Variants in SV2C observed in about 807,000 individuals in gnomAD.
SV2C encodes the protein synaptic vesicle glycoprotein 2C.
Under a neutral mutation model 79.7 loss-of-function variants are expected in SV2C, and 49 were observed. The observed-to-expected ratio is 0.61, with a 90% CI of 0.49 to 0.78. The LOEUF (loss-of-function observed/expected upper bound fraction) is 0.78, where lower values mean the gene tolerates loss of function less well. Ranked by LOEUF, SV2C falls within the 30% of genes least tolerant of loss-of-function variation. The probability of loss-of-function intolerance (pLI) is 0.00; values close to 1 mark genes in which losing one functional copy is unlikely to be tolerated. For missense variants in SV2C, 833 were observed against 912.9 expected (o/e 0.91, Z 1.13); for synonymous variants, 334 against 333.2 (o/e 1.00, Z -0.03).
At chr5:76,194,326 T>G (rs1580345185) in intron 2 of SV2C, among the ~76,000 whole-genome samples, 1 of 152,344 alleles carries the variant, frequency 6.6e-6, no homozygotes, top group East Asian at 1.9e-4. Context: ...AGTGATTATC[T>G]TCTGAGAGGC....
intron 3 of SV2C, among the ~76,000 whole-genome samples, chr5:76,203,836 G>A (rs872630): frequency 0.05 from 7,560 of 152,216 alleles, 643 homozygotes; most frequent in African/African-American, 0.17. Context: ...TGTGGCTTTG[G>A]AAATTGAAGA....
the SV2C span, among the ~76,000 whole-genome samples, chr5:75,866,283 G>A: frequency 6.6e-6 from 1 of 152,006 alleles, no homozygotes; most frequent in Non-Finnish European, 1.5e-5. Context: ...GTATTATGTA[G>A]TTTTATTATT....
chr5:76,029,219 AT>A, the SV2C span, among the ~76,000 whole-genome samples: 1 of 152,206 alleles, frequency 6.6e-6, no homozygotes, highest in African/African-American at 2.4e-5. Context: ...TCACACAGTT[AT>A]TTTTCTGGTG....
At chr5:75,925,190 TGCTCACCA>T in the SV2C span, among the ~76,000 whole-genome samples, 42 of 152,284 alleles carry the variant, frequency 2.8e-4, no homozygotes, top group African/African-American at 1.0e-3. Flanking sequence ...TTCTAAAATG[TGCTCACCA>T]GCACGTCTGT....
At chr5:75,947,892 A>AT in the SV2C span, among the ~76,000 whole-genome samples, 7,967 of 150,770 alleles carry the variant, frequency 0.053, 240 homozygotes, top group Middle Eastern at 0.095. Flanking sequence ...TCTGTTTTCC[A>AT]TTTTTTTTTA....
the SV2C span, among the ~76,000 whole-genome samples, chr5:75,858,953 C>T: frequency 6.6e-6 from 1 of 151,926 alleles, no homozygotes; most frequent in African/African-American, 2.4e-5. Flanking sequence ...TTTTTCATCC[C>T]TGATTTTATT....
the SV2C span, among the ~76,000 whole-genome samples, chr5:75,972,202 A>G: frequency 7.2e-5 from 11 of 152,180 alleles, no homozygotes; most frequent in African/African-American, 2.7e-4. Context: ...TTTATATGTT[A>G]GACCTAAAAC....
chr5:76,334,340 A>G (rs987803199), downstream of SV2C, among the ~76,000 whole-genome samples: 15 of 80,852 alleles, frequency 1.9e-4, no homozygotes, highest in Non-Finnish European at 3.7e-4. Context: ...TTCACATTGG[A>G]GGCAGAAACA....
chr5:76,319,248 CAA>C (rs11341644), intron 12 of SV2C, among the ~76,000 whole-genome samples: 14,846 of 141,888 alleles, frequency 0.1, 792 homozygotes, highest in Admixed American at 0.16. Flanking sequence ...TGCATCTCTA[CAA>C]AAAAAAAAAA....
At chr5:76,135,852 C>A (rs1398570177) in intron 2 of SV2C, among the ~76,000 whole-genome samples, 1 of 152,058 alleles carries the variant, frequency 6.6e-6, no homozygotes, top group Admixed American at 6.5e-5. Flanking sequence ...CTAAGATTAC[C>A]CCTAGGCAGG....
At chr5:76,211,479 TGTG>T in intron 4 of SV2C, among the ~76,000 whole-genome samples, 1 of 152,102 alleles carries the variant, frequency 6.6e-6, no homozygotes, top group African/African-American at 2.4e-5. Context: ...TGTGTGTGTG[TGTG>T]TGTGTGTGTG....
the SV2C span, among the ~76,000 whole-genome samples, chr5:75,938,983 G>T: frequency 4.6e-5 from 7 of 152,074 alleles, no homozygotes; most frequent in Non-Finnish European, 1.0e-4. Flanking sequence ...CCTGGGGAGA[G>T]GCAGGGGAAT....
Position 76,148,796 on chromosome 5 carries a change from C to T in SV2C, c.580+16466C>T, listed in dbSNP as rs528232762. Among the ~76,000 whole-genome samples the T allele has an allele frequency of 9.2e-5, 14 of 152,268 alleles. No individual in the cohort carries two copies. The South Asian group carries it at 2.7e-3, about 29-fold the overall frequency. ...TGGGTCTTGTGATAGAGGCTTTTGT[C>T]CCCACAGCCTACTTGCCATTGTTGT... is the stretch of plus-strand genomic sequence containing the variant. On this transcript the variant is annotated intron_variant, in intron 2 of 12. Coordinates refer to ENST00000502798, the MANE Select transcript of SV2C (RefSeq NM_014979.4).
intron 1 of SV2C, among the ~76,000 whole-genome samples, chr5:76,107,682 G>A (rs1330964945): frequency 1.1e-4 from 16 of 152,166 alleles, no homozygotes; most frequent in Admixed American, 8.5e-4. Context: ...TGGTGAAACC[G>A]TCTCTACCAA....
the SV2C span, among the ~76,000 whole-genome samples, chr5:76,058,344 C>T: frequency 1.3e-5 from 2 of 152,078 alleles, no homozygotes; most frequent in East Asian, 3.9e-4. Context: ...ACCAAATTCC[C>T]CCATCAACCC....
chr5:76,048,965 G>GAAAGAAAGAAAGAAAGAAAGAA, the SV2C span, among the ~76,000 whole-genome samples: 3 of 58,164 alleles, frequency 5.2e-5, no homozygotes, highest in African/African-American at 2.1e-4. Flanking sequence ...GAAAGAAAAA[G>GAAAGAAAGAAAGAAAGAAAGAA]AGAAAGAAAG....
intron 4 of SV2C, among the ~76,000 whole-genome samples, chr5:76,272,984 G>C (rs1265102974): frequency 6.6e-6 from 1 of 151,744 alleles, no homozygotes; most frequent in Non-Finnish European, 1.5e-5. Flanking sequence ...GTGCCTATTT[G>C]TGCTTTAAGA....
rs571941147 is a variant in SV2C at position 76,326,831 on chromosome 5, A to C, written c.*1284A>C. The C allele has an allele frequency of 6.6e-6, 1 of 152,224 alleles. No individual in the cohort carries two copies. The highest frequency in any genetic ancestry group is 2.4e-5 in the African/African-American group (1 of 41,504). The allele number at this position is 152,224 out of a possible 1,614,324, so 9.4% of individuals were successfully genotyped here. A position where few individuals can be genotyped will look rare whatever the true frequency, so the allele number is the denominator to read the frequency against. On this transcript the variant is annotated 3_prime_UTR_variant, in exon 13 of 13. Transcript: ENST00000502798. ...GAAAGAGGTCAGCCAGGACATTCCC[A>C]CGGGCCCGCTGTCAGCTACATGACC... is the stretch of plus-strand genomic sequence containing the variant.
At chr5:75,999,944 C>A in the SV2C span, among the ~76,000 whole-genome samples, 70,577 of 151,826 alleles carry the variant, frequency 0.46, 17,206 homozygotes, top group Middle Eastern at 0.63. Flanking sequence ...AAGGATGGAT[C>A]CCTCATGGGC....
Sources: allele counts gnomAD v4.1 joint callset (sites outside exome capture counted in the v4.1 genomes callset), GRCh38; gene constraint gnomAD v4.1.1; transcripts MANE v1.5; gene names NCBI Gene and HGNC (gene_info 2026-07-23, HGNC 2026-07-21).